YEATS2: variants seen among roughly 807,000 people sequenced by gnomAD.
The protein encoded by YEATS2 is YEATS domain containing 2, also known as YEATS domain-containing protein 2.
Under a neutral mutation model 163.2 loss-of-function variants are expected in YEATS2, and 77 were observed. The observed-to-expected ratio is 0.47, with a 90% CI of 0.39 to 0.57. The LOEUF is 0.57. Ranked by LOEUF, YEATS2 falls within the 20% of genes least tolerant of loss-of-function variation. YEATS2 has a pLI of 0.00. For synonymous variants in YEATS2, 631 were observed against 645.1 expected, an observed-to-expected ratio of 0.98 and a Z score of 0.33; for missense variants, 1,549 against 1,729.8, an observed-to-expected ratio of 0.90 and a Z score of 1.85.
chr3:183,736,917 C>G, intron 8 of YEATS2, 88 bp downstream of exon 8: 1 of 1,160,988 alleles, frequency 8.6e-7, no homozygotes, highest in South Asian at 1.6e-5. Context: ...GTTAAGGACC[C>G]CCTCGCATTA....
rs76288409 is a variant in YEATS2 at position 183,750,445 on chromosome 3, C to T, written c.970-1628C>T. On this transcript the variant is annotated intron_variant, in intron 9 of 30. Coordinates refer to ENST00000305135, the MANE Select transcript of YEATS2 (RefSeq NM_018023.5). Reference sequence around the variant, plus strand: ...CTTTCAGTTCTTTTGGGTATATACCCAGAAATGGAATTGGCTGGATCCTAT... The same window carrying T: ...CTTTCAGTTCTTTTGGGTATATACCTAGAAATGGAATTGGCTGGATCCTAT... Among the ~76,000 whole-genome samples, 1,428 of 152,268 alleles carry T rather than the reference C, an allele frequency of 9.4e-3. 63 individuals carry two copies. In the East Asian group the frequency reaches 0.14, roughly 15 times the overall value.
At chr3:183,752,431 C>T (rs181128351) in intron 10 of YEATS2, among the ~76,000 whole-genome samples, 178 bp downstream of exon 10, 3 of 152,138 alleles carry the variant, frequency 2.0e-5, no homozygotes, top group East Asian at 3.9e-4. Flanking sequence ...TTTTTCCGGC[C>T]GGGAGCTGTG....
intron 19 of YEATS2, among the ~76,000 whole-genome samples, chr3:183,782,693 G>A (rs1035360850): frequency 7.9e-5 from 12 of 152,152 alleles, no homozygotes; most frequent in Admixed American, 2.6e-4. Flanking sequence ...CAAAGTGCTG[G>A]GATTTCAGGC....
Position 183,793,521 on chromosome 3 carries a change from G to A in YEATS2, c.3097+2541G>A, listed in dbSNP as rs555748916. ...TGTCTGTTTTCTGATCATGTTTTTG[G>A]CATGCAATAGATGAAGTCTCCCTGC... On this transcript the variant is annotated intron_variant, in intron 21 of 30. Transcript: ENST00000305135. 29 of 878,874 alleles carry A rather than the reference G, an allele frequency of 3.3e-5. No individual in the cohort carries two copies. The South Asian group carries it at 1.3e-3, about 40-fold the overall frequency. The allele number at this position is 878,874 out of a possible 1,614,324, so 54.4% of individuals were successfully genotyped here.
Position 183,804,020 on chromosome 3 carries a change from C to T in YEATS2, c.3616C>T (p.Gln1206Ter). 1 of 1,614,060 alleles carries T rather than the reference C, an allele frequency of 6.2e-7. No individual in the cohort carries two copies. ...AGCAATGACAATGCGAAAAGTCTTA[C>T]AAGAAATCCTGGAGAAGAATCCGAG... ...QRAMTMRKVL[Q>*]EILEKNPRFH... Residue 1206 changes from glutamine (Q) to a stop codon, truncating the protein, a stop_gained, in exon 27 of 31, where the codon CAA (glutamine) becomes TAA (stop). Transcript: ENST00000305135. LOFTEE classifies it high-confidence loss of function.
chr3:183,757,926 C>T (rs1341541356), intron 12 of YEATS2, among the ~76,000 whole-genome samples: 3 of 152,048 alleles, frequency 2.0e-5, no homozygotes, highest in African/African-American at 7.2e-5. Flanking sequence ...TAGGAATCAG[C>T]TAGAAGTCTT....
At chr3:183,764,144 T>C (rs1721657550) in intron 15 of YEATS2, among the ~76,000 whole-genome samples, 1 of 151,674 alleles carries the variant, frequency 6.6e-6, no homozygotes, top group Non-Finnish European at 1.5e-5. Flanking sequence ...GGCTGAGGCG[T>C]GCGTTATCAC....
intron 7 of YEATS2, 58 bp from the exon 8 acceptor site, chr3:183,736,660 C>T (rs2109162526): frequency 1.5e-6 from 2 of 1,305,726 alleles, no homozygotes; most frequent in Non-Finnish European, 1.0e-6. Context: ...GGAAACTTTT[C>T]CTGTGTAGGA....
intron 8 of YEATS2, among the ~76,000 whole-genome samples, chr3:183,738,796 C>G (rs983692739): frequency 8.8e-6 from 1 of 113,890 alleles, no homozygotes. Context: ...TTAATCCAGT[C>G]TATCATTGTT....
chr3:183,779,985 C>T (rs1027074310), intron 19 of YEATS2, among the ~76,000 whole-genome samples: 10 of 150,574 alleles, frequency 6.6e-5, no homozygotes, highest in South Asian at 2.1e-4. Flanking sequence ...CGTGAGCCAC[C>T]GCACCTGGCC....
At chr3:183,711,929 CCTGCCT>C (rs1715267084) in intron 1 of YEATS2, among the ~76,000 whole-genome samples, 1 of 151,262 alleles carries the variant, frequency 6.6e-6, no homozygotes, top group South Asian at 2.1e-4. Context: ...AAGCGATTCT[CCTGCCT>C]CAGCCTCCTG....
chr3:183,802,965 G>A (rs184183458), intron 25 of YEATS2: 1 of 332,580 alleles, frequency 3.0e-6, no homozygotes, highest in Non-Finnish European at 5.6e-6. Flanking sequence ...CGGGTCCAGG[G>A]CTCCTAGTGG....
At chr3:183,765,029 A>G (rs1349437433) in intron 15 of YEATS2, among the ~76,000 whole-genome samples, 4 of 152,148 alleles carry the variant, frequency 2.6e-5, no homozygotes, top group Non-Finnish European at 5.9e-5. Context: ...AGATTTAGGA[A>G]TCATGGTGCT....
At chr3:183,772,655 A>G (rs1722591423) in intron 16 of YEATS2, 92 bp downstream of exon 16, 1 of 1,503,128 alleles carries the variant, frequency 6.7e-7, no homozygotes, top group East Asian at 2.4e-5. Context: ...GATCTGGTCT[A>G]GGAAAGCCTA....
In YEATS2 at chr3:183,795,057, A is replaced by G. The variant is rs1725007953; in HGVS notation, c.3098-2866A>G. On this transcript the variant is annotated intron_variant, in intron 21 of 30. Transcript: ENST00000305135. The stretch of plus-strand genomic sequence containing the variant: ...GGTAGTTGTGCCTGTAGTCCCAGCT[A>G]CTTGGGAGGCTGAGATGGGAGGATT... Among the ~76,000 whole-genome samples, 2 of 151,636 alleles carry G rather than the reference A, an allele frequency of 1.3e-5. 1 individual carries two copies. The highest frequency in any genetic ancestry group is 4.2e-4 in the South Asian group (2 of 4,810).
Position 183,777,587 on chromosome 3 carries a change from C to G in YEATS2, c.2623C>G (p.Gln875Glu), listed in dbSNP as rs947471020. Reference protein sequence around the residue: ...GQPSPQTSGKQLTTGSVVQGT... With the variant: ...GQPSPQTSGKELTTGSVVQGT... ...GCCATCACCCCAGACTTCTGGAAAA[C>G]AACTCACCACTGGGTCAGTGGTCCA... Residue 875 changes from glutamine to glutamate, a missense_variant, in exon 19 of 31, where the codon CAA (glutamine) becomes GAA (glutamate). Gln to Glu is a conservative substitution (Grantham distance 29). Transcript: ENST00000305135. 1 of 1,614,126 alleles carries G rather than the reference C, an allele frequency of 6.2e-7. No homozygotes were observed. Among genetic ancestry groups the G allele is most frequent in the Non-Finnish European group, 8.5e-7 (1 of 1,180,024 alleles).
chr3:183,803,794 G>C, intron 26 of YEATS2, 193 bp from the exon 27 acceptor site: 1 of 613,626 alleles, frequency 1.6e-6, no homozygotes, highest in East Asian at 2.9e-5. Context: ...CCTAGGAGTT[G>C]CTGTTTTATT....
At chr3:183,776,547 CA>C (rs201243193) in intron 18 of YEATS2, among the ~76,000 whole-genome samples, 2 of 150,276 alleles carry the variant, frequency 1.3e-5, no homozygotes, top group Non-Finnish European at 1.5e-5. Context: ...GACCCTTTCT[CA>C]AAAAAAAACT....
chr3:183,760,458 G>A (rs1721232902), intron 13 of YEATS2, among the ~76,000 whole-genome samples: 1 of 151,906 alleles, frequency 6.6e-6, no homozygotes, highest in Non-Finnish European at 1.5e-5. Flanking sequence ...GAGTAGCTGG[G>A]GTTACAGGGC....
Sources: gnomAD v4.1 joint callset for allele counts (sites outside exome capture counted in the v4.1 genomes callset) on GRCh38, gnomAD v4.1.1 for gene constraint, MANE v1.5 for transcripts, NCBI Gene and HGNC (gene_info 2026-07-23, HGNC 2026-07-21) for gene names.